Variants in NRG1 observed in about 807,000 individuals in gnomAD.
The protein encoded by NRG1 is pro-neuregulin-1, membrane-bound isoform.
A neutral mutation model predicts 63.8 loss-of-function variants in NRG1; 18 were observed. The ratio of observed to expected loss-of-function variants is 0.28; its 90% CI spans 0.19 to 0.42. NRG1 has a LOEUF of 0.42. Among genes scored for constraint, NRG1 ranks in the 10% least tolerant of loss-of-function variants. The pLI is 1.00. For synonymous variants in NRG1, 302 were observed against 301.3 expected, an observed-to-expected ratio of 1.00 and a Z score of -0.02; for missense variants, 762 against 814.7, an observed-to-expected ratio of 0.94 and a Z score of 0.79.
chr8:31,858,766 C>A (rs969253223), intron 1 of NRG1, among the ~76,000 whole-genome samples: 1 of 152,206 alleles, frequency 6.6e-6, no homozygotes, highest in African/African-American at 2.4e-5. Context: ...CATTGTTCAA[C>A]AGAAGGGGCT....
intron 1 of NRG1, among the ~76,000 whole-genome samples, chr8:31,950,551 C>G (rs1274935605): frequency 1.3e-5 from 2 of 152,220 alleles, no homozygotes; most frequent in African/African-American, 4.8e-5. Flanking sequence ...GAGTCTCCCT[C>G]TAGCCTCTCC....
intron 1 of NRG1, among the ~76,000 whole-genome samples, chr8:32,475,881 C>T (rs1414590511): frequency 6.6e-6 from 1 of 152,162 alleles, no homozygotes; most frequent in African/African-American, 2.4e-5. Context: ...TATTGTAGAA[C>T]ATGTATTGAT....
intron 1 of NRG1, among the ~76,000 whole-genome samples, chr8:32,511,394 TATATAA>T (rs1407417090): frequency 5.7e-5 from 8 of 139,464 alleles, no homozygotes; most frequent in African/African-American, 2.1e-4. Context: ...TATATATATA[TATATAA>T]ATAAAATAAA....
chr8:32,549,077 A>T (rs1833587513), intron 1 of NRG1, among the ~76,000 whole-genome samples: 1 of 152,144 alleles, frequency 6.6e-6, no homozygotes. Flanking sequence ...GCACCCTCCC[A>T]GAGTCCCGGG....
chr8:32,764,457 A>G (rs953515550), exon 12 of NRG1: 3 of 1,343,046 alleles, frequency 2.2e-6, no homozygotes, highest in Non-Finnish European at 3.0e-6. Context: ...ATAATAAAGT[A>G]TTCCACCTTA....
In NRG1 at chr8:32,269,200, AT is replaced by A. The variant is rs1463714072; in HGVS notation, c.38-326623del. Among the ~76,000 whole-genome samples the A allele has an allele frequency of 3.3e-5, 5 of 152,032 alleles. No individual in the cohort carries two copies. The East Asian group carries it at 9.7e-4, about 29-fold the overall frequency. On this transcript the variant is annotated intron_variant, in intron 1 of 10. Transcript: ENST00000519301. Reference sequence around the variant, plus strand: ...TTAGATATCTTGTGAAATACTCCTTATTTTTGTCTCTTCCTTTAGATATCTT... The same window carrying A: ...TTAGATATCTTGTGAAATACTCCTTATTTTGTCTCTTCCTTTAGATATCTT...
At chr8:32,293,496 T>C (rs1250007861) in intron 1 of NRG1, among the ~76,000 whole-genome samples, 1 of 152,178 alleles carries the variant, frequency 6.6e-6, no homozygotes, top group Non-Finnish European at 1.5e-5. Context: ...TATATTTCTG[T>C]TGTGTTAAGC....
intron 5 of NRG1, among the ~76,000 whole-genome samples, chr8:32,661,552 G>T (rs1802853516): frequency 6.6e-6 from 1 of 151,568 alleles, no homozygotes; most frequent in Non-Finnish European, 1.5e-5. Context: ...TGAAATGACT[G>T]GGTCTTAAAT....
chr8:32,718,418 C>A (rs947291718), intron 5 of NRG1, among the ~76,000 whole-genome samples: 1 of 152,136 alleles, frequency 6.6e-6, no homozygotes, highest in African/African-American at 2.4e-5. Context: ...TATCCTCAAA[C>A]CCTCTTCTAC....
intron 1 of NRG1, among the ~76,000 whole-genome samples, chr8:31,876,546 G>C (rs1829938644): frequency 6.6e-6 from 1 of 152,128 alleles, no homozygotes; most frequent in Non-Finnish European, 1.5e-5. Flanking sequence ...ATGGGTGAAT[G>C]GAAGAGTAAA....
exon 9 of NRG1, chr8:32,756,428 C>T (rs1460301413): frequency 6.8e-6 from 11 of 1,612,980 alleles, no homozygotes; most frequent in African/African-American, 2.7e-5. Context: ...GCTGCATGAC[C>T]GTCTTCGGCA....
At chr8:31,826,491 A>G (rs1199637609) in intron 1 of NRG1, among the ~76,000 whole-genome samples, 1 of 152,178 alleles carries the variant, frequency 6.6e-6, no homozygotes, top group Non-Finnish European at 1.5e-5. Context: ...GTCTTCCGCC[A>G]TAATTGTGAG....
At chr8:31,830,851 G>A (rs1332597137) in intron 1 of NRG1, among the ~76,000 whole-genome samples, 1 of 152,068 alleles carries the variant, frequency 6.6e-6, no homozygotes, top group South Asian at 2.1e-4. Context: ...GATCCCTGTG[G>A]ATAGTGATGG....
chr8:32,380,007 T>A (rs965860935), intron 1 of NRG1, among the ~76,000 whole-genome samples: 3 of 152,232 alleles, frequency 2.0e-5, no homozygotes, highest in Non-Finnish European at 4.4e-5. Context: ...TGTTCTCATT[T>A]GCTCTGCTCC....
At chr8:32,596,034 C>G (rs375939930) in intron 2 of NRG1, 29 bp downstream of exon 2, 48 of 1,538,678 alleles carry the variant, frequency 3.1e-5, no homozygotes, top group Non-Finnish European at 3.8e-5. Context: ...ATAGTAGAGA[C>G]TGCCCCCAGC....
At chr8:32,062,617 T>G (rs1824071897) in intron 1 of NRG1, among the ~76,000 whole-genome samples, 1 of 152,052 alleles carries the variant, frequency 6.6e-6, no homozygotes, top group South Asian at 2.1e-4. Flanking sequence ...TTTTCCCCTA[T>G]TTTATTCTTT....
chr8:32,411,476 C>T (rs1484398912), intron 1 of NRG1, among the ~76,000 whole-genome samples: 2 of 152,138 alleles, frequency 1.3e-5, no homozygotes, highest in East Asian at 1.9e-4. Context: ...GGCCATGTAC[C>T]TCAATTCAGT....
intron 7 of NRG1, chr8:32,748,879 G>C: frequency 3.6e-6 from 1 of 278,016 alleles, no homozygotes; most frequent in South Asian, 3.0e-5. Flanking sequence ...CCCCTGTTTG[G>C]GGTTTTGGGG....
intron 1 of NRG1, among the ~76,000 whole-genome samples, chr8:32,162,817 G>A (rs1169635404): frequency 4.6e-5 from 7 of 152,174 alleles, no homozygotes; most frequent in Non-Finnish European, 8.8e-5. Context: ...CTAGAGATAT[G>A]AGCTGTGTGT....
Sources: allele counts gnomAD v4.1 joint callset (sites outside exome capture counted in the v4.1 genomes callset), GRCh38; gene constraint gnomAD v4.1.1; transcripts MANE v1.5; gene names NCBI Gene and HGNC (gene_info 2026-07-23, HGNC 2026-07-21).